The following PXDNL variants were observed in gnomAD, a reference collection of about 807,000 sequenced individuals.
PXDNL encodes the protein probable oxidoreductase PXDNL.
In PXDNL, 145 loss-of-function variants were observed where a neutral mutation model predicts 150.8. The ratio of observed to expected loss-of-function variants is 0.96; its 90% CI spans 0.84 to 1.10. The LOEUF (loss-of-function observed/expected upper bound fraction) is 1.10. Among genes scored for constraint, PXDNL ranks in the 50% least tolerant of loss-of-function variants. The pLI, the probability that PXDNL is intolerant of heterozygous loss-of-function variation, is 0.00. For synonymous variants in PXDNL, 757 were observed against 725.7 expected (o/e 1.04, Z -0.69); for missense variants, 2,087 against 1,873.9 (o/e 1.11, Z -2.10).
chr8:51,511,265 C>G (rs1811412269), intron 4 of PXDNL, among the ~76,000 whole-genome samples: 1 of 152,174 alleles, frequency 6.6e-6, no homozygotes, highest in Admixed American at 6.5e-5. Context: ...CTAGCACCTT[C>G]CTGATACATA....
At chr8:51,608,103 A>AAGCC (rs1813901915) in intron 2 of PXDNL, among the ~76,000 whole-genome samples, 1 of 140,420 alleles carries the variant, frequency 7.1e-6, no homozygotes, top group Non-Finnish European at 1.5e-5. Flanking sequence ...GCAAGCAAGC[A>AAGCC]AGCAAGCCGG....
At chr8:51,532,688 G>T (rs1354430934) in intron 4 of PXDNL, among the ~76,000 whole-genome samples, 1 of 152,066 alleles carries the variant, frequency 6.6e-6, no homozygotes, top group Non-Finnish European at 1.5e-5. Context: ...TCAAAGTGTG[G>T]TCTCTTTGAC....
intron 1 of PXDNL, among the ~76,000 whole-genome samples, chr8:51,719,209 A>G (rs1274261111): frequency 6.6e-6 from 1 of 152,220 alleles, no homozygotes; most frequent in Non-Finnish European, 1.5e-5. Flanking sequence ...AAAGGGGTAA[A>G]TGTGGGGAAA....
At chr8:51,581,765 A>T (rs1458045208) in intron 3 of PXDNL, among the ~76,000 whole-genome samples, 1 of 152,116 alleles carries the variant, frequency 6.6e-6, no homozygotes, top group Non-Finnish European at 1.5e-5. Flanking sequence ...TTAATATTAA[A>T]TCTTTCAAAA....
chr8:51,399,789 A>G (rs1007058536), intron 17 of PXDNL, among the ~76,000 whole-genome samples: 11 of 152,250 alleles, frequency 7.2e-5, no homozygotes, highest in African/African-American at 2.7e-4. Flanking sequence ...GGGGATTTAA[A>G]GACGAAATGC....
chr8:51,741,097 T>C (rs2036902562), intron 1 of PXDNL, among the ~76,000 whole-genome samples: 1 of 152,200 alleles, frequency 6.6e-6, no homozygotes, highest in Non-Finnish European at 1.5e-5. Flanking sequence ...TCCTGGTTTT[T>C]TGTTTGTGTG....
At chr8:51,644,665 G>C (rs1319901536) in intron 2 of PXDNL, among the ~76,000 whole-genome samples, 1 of 151,472 alleles carries the variant, frequency 6.6e-6, no homozygotes, top group Non-Finnish European at 1.5e-5. Flanking sequence ...CACCGTGTTA[G>C]CCAGGATGGT....
chr8:51,493,068 C>G (rs1366608634), intron 5 of PXDNL, among the ~76,000 whole-genome samples: 1 of 152,188 alleles, frequency 6.6e-6, no homozygotes, highest in African/African-American at 2.4e-5. Context: ...CGGCCAGGTA[C>G]TCCTCTGAGA....
At chr8:51,474,949 T>G (rs369835525) in intron 7 of PXDNL, 23 bp downstream of exon 7, 1 of 1,557,202 alleles carries the variant, frequency 6.4e-7, no homozygotes, top group Non-Finnish European at 8.7e-7. Flanking sequence ...TTCTATCTTA[T>G]GTACACATTG....
intron 2 of PXDNL, among the ~76,000 whole-genome samples, chr8:51,648,210 A>G (rs562082228): frequency 2.1e-4 from 32 of 152,230 alleles, no homozygotes; most frequent in Non-Finnish European, 3.8e-4. Flanking sequence ...TAGGCTGAAT[A>G]ATGGCCACCC....
intron 4 of PXDNL, among the ~76,000 whole-genome samples, chr8:51,536,302 T>G (rs756224092): frequency 1.2e-4 from 18 of 152,218 alleles, no homozygotes; most frequent in Non-Finnish European, 2.5e-4. Context: ...TAAGTCTGCA[T>G]CTAGACTATG....
At chr8:51,597,738 G>C (rs924291809) in intron 2 of PXDNL, among the ~76,000 whole-genome samples, 1 of 149,660 alleles carries the variant, frequency 6.7e-6, no homozygotes, top group African/African-American at 2.5e-5. Context: ...TTTTGAGATG[G>C]AGTTTCACTC....
Position 51,423,707 on chromosome 8 carries a change from C to A in PXDNL, c.1663G>T (p.Gly555Cys). ...NKEGVQITES[G>C]KFHVDDEGTL... is the part of the protein sequence containing the mutation. ...CCTTCATCATCCACATGGAATTTAC[C>A]ACTCTCAGTAATCTGCACACCTTCC... The change falls in exon 14 of 23, where the codon GGT (glycine) becomes TGT (cysteine). Residue 555 changes from glycine (G) to cysteine (C), a missense_variant. Transcript: ENST00000356297. 1 of 1,613,666 alleles carries A rather than the reference C, an allele frequency of 6.2e-7. No homozygotes were observed.
intron 3 of PXDNL, among the ~76,000 whole-genome samples, chr8:51,565,498 T>C (rs1411018336): frequency 1.3e-5 from 2 of 151,702 alleles, no homozygotes. Context: ...CTGCACACTA[T>C]ATTTTTTCAC....
chr8:51,406,377 T>C (rs769617010), intron 17 of PXDNL, among the ~76,000 whole-genome samples: 2 of 152,206 alleles, frequency 1.3e-5, no homozygotes, highest in Non-Finnish European at 2.9e-5. Context: ...TCTTGGCTCC[T>C]ATGCTAGTCT....
intron 1 of PXDNL, among the ~76,000 whole-genome samples, chr8:51,772,055 G>T (rs2037301778): frequency 1.3e-5 from 2 of 151,970 alleles, no homozygotes; most frequent in South Asian, 4.1e-4. Flanking sequence ...CTTCCTCCAT[G>T]CCCACACCAC....
intron 2 of PXDNL, among the ~76,000 whole-genome samples, chr8:51,612,249 G>A (rs1814023872): frequency 6.6e-6 from 1 of 152,112 alleles, no homozygotes; most frequent in African/African-American, 2.4e-5. Flanking sequence ...GTTCTGTAGG[G>A]CCTGCTTCCT....
intron 2 of PXDNL, among the ~76,000 whole-genome samples, chr8:51,601,409 G>T (rs1370499860): frequency 6.6e-6 from 1 of 151,946 alleles, no homozygotes; most frequent in Non-Finnish European, 1.5e-5. Flanking sequence ...CTCCATTGTT[G>T]GGTGTGCATA....
intron 4 of PXDNL, among the ~76,000 whole-genome samples, chr8:51,545,459 T>C (rs1812337458): frequency 6.6e-6 from 1 of 151,766 alleles, no homozygotes; most frequent in South Asian, 2.1e-4. Flanking sequence ...ATTGTCTTAG[T>C]TTGTTTTGTA....
Sources: gnomAD v4.1 joint callset for allele counts (sites outside exome capture counted in the v4.1 genomes callset) on GRCh38, gnomAD v4.1.1 for gene constraint, MANE v1.5 for transcripts, NCBI Gene and HGNC (gene_info 2026-07-23, HGNC 2026-07-21) for gene names.